IL16: variants seen among roughly 807,000 people sequenced by gnomAD.
IL16 encodes the protein pro-interleukin-16.
A neutral mutation model predicts 110.1 loss-of-function variants in IL16; 67 were observed. The observed-to-expected ratio is 0.61, with a 90% CI of 0.50 to 0.75. The LOEUF is 0.75. Ranked by LOEUF, IL16 falls within the 30% of genes least tolerant of loss-of-function variation. The pLI is 0.00. For missense variants in IL16, 1,545 were observed against 1,655.0 expected, an observed-to-expected ratio of 0.93 and a Z score of 1.15; for synonymous variants, 689 against 662.9, an observed-to-expected ratio of 1.04 and a Z score of -0.61.
At chr15:81,198,620 C>T (rs1489379811) in intron 1 of IL16, among the ~76,000 whole-genome samples, 1 of 149,702 alleles carries the variant, frequency 6.7e-6, no homozygotes, top group African/African-American at 2.5e-5. Flanking sequence ...TTGGCAGAGG[C>T]AGACCAGGAC....
chr15:81,301,571 C>A, intron 15 of IL16, 59 bp downstream of exon 15: 1 of 1,504,698 alleles, frequency 6.6e-7, no homozygotes, highest in Admixed American at 1.8e-5. Flanking sequence ...TGTGTGGCCA[C>A]CTTAGTTGGG....
rs568101674 is a variant in IL16, at chr15:81,292,536, C to G, written c.1421-20C>G. ...TTTCTGAAGCTCAGCTGTGAAGATT[C>G]TCTTGTGCTTCCCACACAGGTGTCA... On this transcript the variant is annotated intron_variant, in intron 11 of 18. Coordinates refer to ENST00000683961, the MANE Select transcript of IL16 (RefSeq NM_172217.5). 1 of 1,610,616 alleles carries G rather than the reference C, an allele frequency of 6.2e-7. No homozygotes were observed. The highest frequency in any genetic ancestry group is 1.1e-5 in the South Asian group (1 of 90,862).
At chr15:81,223,426 G>T (rs1393933924) in intron 1 of IL16, among the ~76,000 whole-genome samples, 1 of 152,238 alleles carries the variant, frequency 6.6e-6, no homozygotes, top group African/African-American at 2.4e-5. Context: ...CACAGAGGAA[G>T]AGACTGAGGC....
At chr15:81,263,457 A>G (rs2142205144) in intron 3 of IL16, among the ~76,000 whole-genome samples, 1 of 151,990 alleles carries the variant, frequency 6.6e-6, no homozygotes, top group East Asian at 1.9e-4. Flanking sequence ...GGAGATGATA[A>G]TTTTGGTACA....
intron 4 of IL16, among the ~76,000 whole-genome samples, chr15:81,269,157 T>G (rs181771999): frequency 3.2e-4 from 48 of 152,364 alleles, no homozygotes; most frequent in Admixed American, 5.9e-4. Context: ...TAAATGTGTC[T>G]TGGATTGAAC....
intron 7 of IL16, among the ~76,000 whole-genome samples, 194 bp from the exon 8 acceptor site, chr15:81,279,364 A>G (rs1349766264): frequency 6.6e-6 from 1 of 152,172 alleles, no homozygotes; most frequent in East Asian, 1.9e-4. Context: ...TCTATCTGGC[A>G]TATGTAAATA....
chr15:81,198,719 C>G (rs1381637976), intron 1 of IL16, among the ~76,000 whole-genome samples: 1 of 151,792 alleles, frequency 6.6e-6, no homozygotes, highest in African/African-American at 2.4e-5. Flanking sequence ...GGGAGGTACA[C>G]TTTGAATTGA....
intron 2 of IL16, among the ~76,000 whole-genome samples, chr15:81,226,650 T>C (rs1233825429): frequency 6.6e-6 from 1 of 152,222 alleles, no homozygotes; most frequent in African/African-American, 2.4e-5. Flanking sequence ...ACATTTGTGT[T>C]AAGGGCCTTA....
rs572815619 is a variant in IL16, at chr15:81,258,724, G to A, written c.313-1048G>A. On this transcript the variant is annotated intron_variant, in intron 2 of 18. Coordinates refer to ENST00000683961, the MANE Select transcript of IL16 (RefSeq NM_172217.5). ...GACCTGCTCTCTCTCTGTCACTCGC[G>A]CACGCGCTCTCTCTCTCTCTCTCTG... 1.7e-4 allele frequency among the ~76,000 whole-genome samples: 21 copies of A among 125,064 alleles called. No homozygotes were observed. The South Asian group carries it at 4.6e-3, about 27-fold the overall frequency. 82.0% of individuals were successfully genotyped at this position (125,064 alleles called of 152,430 possible).
chr15:81,215,158 G>A (rs1292998098), intron 1 of IL16, among the ~76,000 whole-genome samples: 1 of 152,174 alleles, frequency 6.6e-6, no homozygotes, highest in African/African-American at 2.4e-5. Flanking sequence ...ACCATTGCTA[G>A]GGAACTAGTG....
chr15:81,259,354 C>T (rs1394240960), intron 2 of IL16, among the ~76,000 whole-genome samples: 2 of 152,208 alleles, frequency 1.3e-5, no homozygotes, highest in Non-Finnish European at 2.9e-5. Flanking sequence ...CTTCAGAGCA[C>T]TTATCATTCT....
At chr15:81,236,483 T>C (rs1261080147) in intron 2 of IL16, among the ~76,000 whole-genome samples, 2 of 152,216 alleles carry the variant, frequency 1.3e-5, no homozygotes, top group Non-Finnish European at 2.9e-5. Flanking sequence ...CCCACAGGTA[T>C]GATTAATCTT....
In IL16 at chr15:81,225,537, G is replaced by C; in HGVS notation, c.138G>C (p.Glu46Asp). The C allele has an allele frequency of 6.2e-7, 1 of 1,614,128 alleles. No homozygotes were observed. The highest frequency in any genetic ancestry group is 8.5e-7 in the Non-Finnish European group (1 of 1,180,012). ...ATGAGAAATATCCTGATCCCTTTGA[G>C]ATTTCCTTGGCCCAGGGCAAGGAGG... ...SPDEKYPDPF[E>D]ISLAQGKEGI... The change falls in exon 2 of 19, where the codon GAG becomes GAC. Residue 46 changes from glutamate to aspartate, a missense_variant. Physicochemically the swap from Glu to Asp is conservative, Grantham distance 45 (BLOSUM62 2). Around this residue, in one of 3 missense-constraint regions of IL16, gnomAD observed 1,185 missense variants for 1,238.8 expected, o/e 0.96. Transcript: ENST00000683961.
rs1305968728 is a variant in IL16, at chr15:81,303,430, A to T, written c.3319-119A>T. Reference sequence around the variant, plus strand: ...AAACTGAGGTTTGAGGAGGTGATGTAACTTGGAGGCTGGCCAAGCTGGGGT... The same window carrying T: ...AAACTGAGGTTTGAGGAGGTGATGTTACTTGGAGGCTGGCCAAGCTGGGGT... On this transcript the variant is annotated intron_variant, in intron 15 of 18. Transcript: ENST00000683961. The surrounding 1 kb of genome is among the most constrained non-coding windows in gnomAD (Gnocchi z 4.1). 2.9e-6 allele frequency: 2 copies of T among 685,572 alleles called. No homozygotes were observed. Among genetic ancestry groups the T allele is most frequent in the Non-Finnish European group, 5.3e-6 (2 of 377,724 alleles). 42.5% of individuals were successfully genotyped at this position (685,572 alleles called of 1,614,324 possible).
Position 81,279,707 on chromosome 15 carries a change from C to G in IL16, c.1014C>G (p.Ser338Arg). The G allele has an allele frequency of 6.2e-7, 1 of 1,614,250 alleles. No individual in the cohort carries two copies. Among genetic ancestry groups the G allele is most frequent in the Non-Finnish European group, 8.5e-7 (1 of 1,180,042 alleles). ...TKDSSSFALESPSAPISTAKP... is the reference protein window; with the variant it reads ...TKDSSSFALERPSAPISTAKP... ...ACAGCAGCTCCTTCGCCTTGGAAAG[C>G]CCCTCGGCTCCCATCAGCACCGCCA... The change falls in exon 8 of 19, where the codon AGC (serine) becomes AGG (arginine). Residue 338 changes from serine (S) to arginine (R), a missense_variant. Transcript: ENST00000683961.
At chr15:81,213,798 T>C (rs1664378146) in intron 1 of IL16, among the ~76,000 whole-genome samples, 1 of 152,184 alleles carries the variant, frequency 6.6e-6, no homozygotes, top group Admixed American at 6.5e-5. Context: ...TTGAAGATAA[T>C]AAATGGTTGG....
intron 4 of IL16, among the ~76,000 whole-genome samples, chr15:81,266,369 C>T (rs999486309): frequency 6.6e-6 from 1 of 152,178 alleles, no homozygotes; most frequent in African/African-American, 2.4e-5. Flanking sequence ...TAGTAGGACA[C>T]TGAGGCTTGG....
intron 1 of IL16, among the ~76,000 whole-genome samples, chr15:81,207,774 G>A (rs1260511631): frequency 6.6e-6 from 1 of 151,412 alleles, no homozygotes. Flanking sequence ...ACCGTTAATA[G>A]GTATCTAGGT....
chr15:81,224,576 G>A (rs984129068), intron 1 of IL16, among the ~76,000 whole-genome samples: 1 of 152,230 alleles, frequency 6.6e-6, no homozygotes, highest in Non-Finnish European at 1.5e-5. Context: ...TAGGCCTGGA[G>A]AAAGGCACTC....
Sources: allele counts gnomAD v4.1 joint callset (sites outside exome capture counted in the v4.1 genomes callset), GRCh38; gene constraint gnomAD v4.1.1; regional missense constraint gnomAD v4.1.1; non-coding constraint Gnocchi (gnomAD v3.1); transcripts MANE v1.5; gene names NCBI Gene and HGNC (gene_info 2026-07-23, HGNC 2026-07-21).